The following BRINP1 variants were observed in gnomAD, a reference collection of about 807,000 sequenced individuals.
BRINP1 encodes the protein BMP/retinoic acid inducible neural specific 1, also known as BMP/retinoic acid-inducible neural-specific protein 1.
In BRINP1, 17 loss-of-function variants were observed where a neutral mutation model predicts 72.9. The ratio of observed to expected loss-of-function variants is 0.23; its 90% CI spans 0.16 to 0.35. The LOEUF (loss-of-function observed/expected upper bound fraction) is 0.35, where lower values mean the gene tolerates loss of function less well. Among genes scored for constraint, BRINP1 ranks in the 10% least tolerant of loss-of-function variants. BRINP1 has a pLI of 1.00. For missense variants in BRINP1, 850 were observed against 1,001.6 expected (o/e 0.85, Z 2.04); for synonymous variants, 418 against 378.5 (o/e 1.10, Z -1.21).
At position 119,333,417 on chromosome 9, in the gene BRINP1, C is replaced by T. The variant is rs1489910910; in HGVS notation, c.-50-20012G>A. Among the ~76,000 whole-genome samples the T allele has an allele frequency of 1.6e-4, 23 of 142,984 alleles. No homozygotes were observed. The Admixed American group carries it at 1.6e-3, about 10-fold the overall frequency. The allele number at this position is 142,984 out of a possible 152,430, so 93.8% of individuals were successfully genotyped here. ...GGCAGAGGCTGTAGTGAGCCAAGAT[C>T]GTGCCACTGCACTTCAACCTGGGTG... On this transcript the variant is annotated intron_variant, in intron 1 of 7. Coordinates refer to ENST00000265922, the MANE Select transcript of BRINP1 (RefSeq NM_014618.3).
intron 7 of BRINP1, among the ~76,000 whole-genome samples, chr9:119,185,520 G>A (rs751558456): frequency 1.3e-5 from 2 of 152,132 alleles, no homozygotes; most frequent in East Asian, 1.9e-4. Context: ...GCTAACACTC[G>A]TTGCCCAACA....
intron 1 of BRINP1, among the ~76,000 whole-genome samples, chr9:119,354,617 T>C (rs1039355842): frequency 6.6e-6 from 1 of 152,008 alleles, no homozygotes; most frequent in African/African-American, 2.4e-5. Flanking sequence ...CCCAGCACTT[T>C]GGGAGGTCAA....
intron 2 of BRINP1, chr9:119,283,222 C>T (rs1374513608): frequency 2.1e-6 from 2 of 948,282 alleles, no homozygotes; most frequent in African/African-American, 1.8e-5. Context: ...TAGTCCTCAT[C>T]GTCCCTGGAA....
chr9:119,367,343 G>A (rs1484640918), intron 1 of BRINP1, among the ~76,000 whole-genome samples: 1 of 151,350 alleles, frequency 6.6e-6, no homozygotes, highest in Non-Finnish European at 1.5e-5. Context: ...AGCTAGACAA[G>A]AGGCTGTGTC....
At chr9:119,308,252 C>T (rs1417406531) in intron 2 of BRINP1, among the ~76,000 whole-genome samples, 3 of 152,040 alleles carry the variant, frequency 2.0e-5, no homozygotes, top group African/African-American at 4.8e-5. Flanking sequence ...ATGCTGATTT[C>T]GACTACTTTA....
At chr9:119,185,943 T>A (rs768166352) in intron 7 of BRINP1, among the ~76,000 whole-genome samples, 3 of 152,228 alleles carry the variant, frequency 2.0e-5, no homozygotes, top group Middle Eastern at 3.2e-3. Flanking sequence ...CGCTTCTCCA[T>A]CCCTGAGGCA....
At chr9:119,300,675 T>C (rs1830930193) in intron 2 of BRINP1, among the ~76,000 whole-genome samples, 1 of 152,172 alleles carries the variant, frequency 6.6e-6, no homozygotes, top group Non-Finnish European at 1.5e-5. Flanking sequence ...TGCTTCTTTT[T>C]TAAAAAAGAA....
At chr9:119,360,179 G>A (rs554397393) in intron 1 of BRINP1, among the ~76,000 whole-genome samples, 16 of 152,298 alleles carry the variant, frequency 1.1e-4, no homozygotes, top group African/African-American at 3.9e-4. Flanking sequence ...ATTTGATGTG[G>A]ACCACTTCAC....
intron 2 of BRINP1, among the ~76,000 whole-genome samples, chr9:119,289,197 G>C (rs749271674): frequency 8.5e-5 from 13 of 152,200 alleles, no homozygotes; most frequent in Non-Finnish European, 1.8e-4. Context: ...AACAGAATGA[G>C]AAAAATCACA....
At chr9:119,181,967 T>C (rs1490802243) in intron 7 of BRINP1, among the ~76,000 whole-genome samples, 2 of 152,202 alleles carry the variant, frequency 1.3e-5, no homozygotes, top group African/African-American at 4.8e-5. Context: ...TTCTAACATA[T>C]AGTAGGTACA....
At chr9:119,272,231 C>T (rs1588186215) in intron 2 of BRINP1, among the ~76,000 whole-genome samples, 1 of 151,782 alleles carries the variant, frequency 6.6e-6, no homozygotes, top group Admixed American at 6.6e-5. Flanking sequence ...AGCAGGTGCC[C>T]GCCACCATGC....
At position 119,288,953 on chromosome 9, in the gene BRINP1, G is replaced by A. The variant is rs765303278; in HGVS notation, c.218+24185C>T. Among the ~76,000 whole-genome samples, 4 of 152,108 alleles carry A rather than the reference G, an allele frequency of 2.6e-5. No individual in the cohort carries two copies. In the South Asian group the frequency reaches 8.3e-4, roughly 32 times the overall value. ...GTAGCTGGGATTACAGGCATGTGCC[G>A]CCACACCTGGCTAATTTTTTATATT... On this transcript the variant is annotated intron_variant, in intron 2 of 7. Transcript: ENST00000265922.
chr9:119,324,209 CA>C (rs201478009), intron 1 of BRINP1, among the ~76,000 whole-genome samples: 3,706 of 139,152 alleles, frequency 0.027, 51 homozygotes, highest in Non-Finnish European at 0.038. Flanking sequence ...GTATACAAGG[CA>C]AAAAAAAAAA....
intron 2 of BRINP1, among the ~76,000 whole-genome samples, chr9:119,307,046 C>G (rs919994276): frequency 5.3e-5 from 8 of 151,960 alleles, no homozygotes; most frequent in African/African-American, 1.7e-4. Context: ...AACCTCTACA[C>G]AACTGAAAGT....
In BRINP1 at chr9:119,367,221, GAT is replaced by G. The variant is rs6151155; in HGVS notation, c.-51+1833_-51+1834del. Among the ~76,000 whole-genome samples the G allele has an allele frequency of 9.3e-4, 93 of 99,880 alleles. 4 individuals are homozygous for G. Among genetic ancestry groups the G allele is most frequent in the South Asian group, 3.4e-3 (7 of 2,036 alleles). The allele number at this position is 99,880 out of a possible 152,430, so 65.5% of individuals were successfully genotyped here. A position where few individuals can be genotyped will look rare whatever the true frequency, so the allele number is the denominator to read the frequency against. On this transcript the variant is annotated intron_variant, in intron 1 of 7. Coordinates refer to ENST00000265922, the MANE Select transcript of BRINP1 (RefSeq NM_014618.3). ...TGTGTGTGTGTGTGTGTGTGTGATT[GAT>G]ATATATATATATATATATATCTTCC...
chr9:119,335,203 G>A (rs901265396), intron 1 of BRINP1, among the ~76,000 whole-genome samples: 1 of 152,198 alleles, frequency 6.6e-6, no homozygotes, highest in Non-Finnish European at 1.5e-5. Context: ...GGCTGCTTGA[G>A]CCAAGTTACG....
chr9:119,281,086 A>G (rs1830706206), intron 2 of BRINP1, among the ~76,000 whole-genome samples: 1 of 152,122 alleles, frequency 6.6e-6, no homozygotes. Flanking sequence ...AGGAACCTGG[A>G]GGGCAAAGCC....
chr9:119,192,747 T>C (rs764113733), intron 7 of BRINP1, among the ~76,000 whole-genome samples: 1 of 152,124 alleles, frequency 6.6e-6, no homozygotes, highest in Non-Finnish European at 1.5e-5. Context: ...CTCTTCTGGG[T>C]ATATTCCCAA....
chr9:119,265,211 T>C (rs539174560), intron 2 of BRINP1, among the ~76,000 whole-genome samples: 103 of 152,284 alleles, frequency 6.8e-4, no homozygotes, highest in Admixed American at 2.5e-3. Flanking sequence ...CACTTACTTC[T>C]CTCTGTCAGT....
Sources: gnomAD v4.1 joint callset for allele counts (sites outside exome capture counted in the v4.1 genomes callset) on GRCh38, gnomAD v4.1.1 for gene constraint, MANE v1.5 for transcripts, NCBI Gene and HGNC (gene_info 2026-07-23, HGNC 2026-07-21) for gene names.